The following HTR2A variants were observed in gnomAD, a reference collection of about 807,000 sequenced individuals.
HTR2A encodes 5-hydroxytryptamine receptor 2A.
Under a neutral mutation model 31.0 loss-of-function variants are expected in HTR2A, and 14 were observed. That is an observed-to-expected ratio of 0.45 (90% CI 0.30 to 0.71). The LOEUF (loss-of-function observed/expected upper bound fraction) is 0.71, where lower values mean the gene tolerates loss of function less well. Ranked by LOEUF, HTR2A falls within the 30% of genes least tolerant of loss-of-function variation. The probability of loss-of-function intolerance (pLI) is 0.09; values close to 1 mark genes in which losing one functional copy is unlikely to be tolerated. For missense variants in HTR2A, 442 were observed against 573.3 expected, an observed-to-expected ratio of 0.77 and a Z score of 2.34; for synonymous variants, 209 against 225.2, an observed-to-expected ratio of 0.93 and a Z score of 0.64.
rs745909918 is a variant in HTR2A, at chr13:46,895,819, T to A, written c.88A>T (p.Asn30Tyr). The change falls in exon 2 of 4, where the codon AAT (asparagine) becomes TAT (tyrosine). Residue 30 changes from asparagine to tyrosine, a missense_variant. Physicochemically the swap from Asn to Tyr is moderately radical, Grantham distance 143. Around this residue, in one of 5 missense-constraint regions of HTR2A, gnomAD observed 83 missense variants for 84.8 expected, o/e 0.98. Coordinates refer to ENST00000542664, the MANE Select transcript of HTR2A (RefSeq NM_000621.5). The surrounding 1 kb of genome is among the most constrained non-coding windows in gnomAD (Gnocchi z 4.4). The part of the protein sequence containing the change: ...QLNDDTRLYS[N>Y]DFNSGEANTS... Reference sequence around the variant, plus strand: ...TTAGCTTCTCCGGAGTTAAAGTCATTACTGTAGAGCCTGGTGTCATCATTT... The same window carrying A: ...TTAGCTTCTCCGGAGTTAAAGTCATAACTGTAGAGCCTGGTGTCATCATTT... 17 of 1,614,154 alleles carry A rather than the reference T, an allele frequency of 1.1e-5. No homozygotes were observed. The South Asian group carries it at 1.8e-4, about 17-fold the overall frequency.
chr13:46,897,157 CT>C (rs1260278575), upstream of HTR2A: 13 of 239,234 alleles, frequency 5.4e-5, no homozygotes, highest in Middle Eastern at 1.3e-3. Context: ...TCTTCTCCCT[CT>C]TTTTGCTACA....
At chr13:46,854,402 G>C (rs1420079531) in intron 3 of HTR2A, among the ~76,000 whole-genome samples, 1 of 152,216 alleles carries the variant, frequency 6.6e-6, no homozygotes, top group Non-Finnish European at 1.5e-5. Flanking sequence ...CTTAGTGCTT[G>C]CTCCTCTGTT....
intron 3 of HTR2A, among the ~76,000 whole-genome samples, chr13:46,857,932 A>T (rs1950750589): frequency 6.6e-6 from 1 of 152,192 alleles, no homozygotes; most frequent in South Asian, 2.1e-4. Flanking sequence ...TATTCAGATG[A>T]CAGCCTGGCT....
chr13:46,848,115 T>C (rs1191142968), intron 3 of HTR2A, among the ~76,000 whole-genome samples: 2 of 152,208 alleles, frequency 1.3e-5, no homozygotes, highest in African/African-American at 4.8e-5. Flanking sequence ...TATGAAAGCC[T>C]CTACTCTCTG....
intron 3 of HTR2A, among the ~76,000 whole-genome samples, chr13:46,889,098 T>C (rs2138251290): frequency 6.6e-6 from 1 of 152,258 alleles, no homozygotes; most frequent in African/African-American, 2.4e-5. Flanking sequence ...AAACTTTATA[T>C]GCTGCTTACA....
intron 3 of HTR2A, among the ~76,000 whole-genome samples, chr13:46,872,264 G>C (rs1432634243): frequency 6.6e-6 from 1 of 152,138 alleles, no homozygotes; most frequent in Admixed American, 6.5e-5. Flanking sequence ...GGAACTCAAA[G>C]ACAAATAAGA....
At chr13:46,887,263 CA>C (rs954958035) in intron 3 of HTR2A, among the ~76,000 whole-genome samples, 4 of 150,632 alleles carry the variant, frequency 2.7e-5, no homozygotes, top group South Asian at 2.1e-4. Flanking sequence ...ACTAAAAATA[CA>C]AAAAAAAATT....
chr13:46,876,398 ATATATATTTTTTT>A (rs1309907834), intron 3 of HTR2A, among the ~76,000 whole-genome samples: 26 of 97,010 alleles, frequency 2.7e-4, no homozygotes, highest in African/African-American at 3.4e-4. Flanking sequence ...ATATATATAT[ATATATATTTTTTT>A]TTTTTTTTTT....
chr13:46,844,622 C>G (rs1371233805), intron 3 of HTR2A, among the ~76,000 whole-genome samples: 1 of 152,160 alleles, frequency 6.6e-6, no homozygotes, highest in Non-Finnish European at 1.5e-5. Flanking sequence ...TGACTCATAT[C>G]CTGGATCTAG....
intron 3 of HTR2A, 118 bp downstream of exon 3, chr13:46,892,272 C>G: frequency 1.0e-6 from 1 of 953,000 alleles, no homozygotes. Context: ...ACATATCTTG[C>G]ACCACCCAAA....
Position 46,895,665 on chromosome 13 carries a change from G to A in HTR2A, c.242C>T (p.Thr81Ile). The change falls in exon 2 of 4, where the codon ACA becomes ATA. Residue 81 changes from threonine (T) to isoleucine (I), a missense_variant. Thr to Ile is a moderately conservative substitution (Grantham distance 89). Transcript: ENST00000542664. This position sits in a 1 kb window ranked among gnomAD's most constrained non-coding sequence, Gnocchi z 4.4. ...LQEKNWSALL[T>I]AVVIILTIAG... is the part of the protein sequence containing the mutation. ...AATAGTTAGAATAATCACTACGGCT[G>A]TCAGTAAAGCAGACCAGTTTTTTTC... The A allele has an allele frequency of 3.1e-6, 5 of 1,614,192 alleles. No homozygotes were observed. Among genetic ancestry groups the A allele is most frequent in the Non-Finnish European group, 3.4e-6 (4 of 1,180,026 alleles).
intron 3 of HTR2A, among the ~76,000 whole-genome samples, chr13:46,848,855 C>T (rs1239690404): frequency 4.6e-5 from 7 of 151,986 alleles, no homozygotes; most frequent in East Asian, 3.8e-4. Flanking sequence ...AGTGTTTACT[C>T]GTAAAGAACT....
Position 46,895,407 on chromosome 13 carries a change from G to GC in HTR2A, c.412+87dup. The GC allele has an allele frequency of 8.6e-7, 1 of 1,161,706 alleles. No homozygotes were observed. Among genetic ancestry groups the GC allele is most frequent in the Admixed American group, 2.5e-5 (1 of 39,266 alleles). The allele number at this position is 1,161,706 out of a possible 1,614,324, so 72.0% of individuals were successfully genotyped here. ...AAAGACTTCTATTTATAGTTTGTTT[G>GC]CCCCCTGAGCCCCATCTCATCTGCT... is the stretch of plus-strand genomic sequence containing the variant. On this transcript the variant is annotated intron_variant, in intron 2 of 3. Transcript: ENST00000542664. The surrounding 1 kb of genome is among the most constrained non-coding windows in gnomAD (Gnocchi z 4.4).
intron 3 of HTR2A, among the ~76,000 whole-genome samples, chr13:46,882,320 AAC>A (rs1950973007): frequency 6.6e-6 from 1 of 152,180 alleles, no homozygotes; most frequent in South Asian, 2.1e-4. Context: ...GATCAGTAGA[AAC>A]AGTCAATAAA....
At chr13:46,846,699 T>A (rs768370465) in intron 3 of HTR2A, among the ~76,000 whole-genome samples, 1 of 152,018 alleles carries the variant, frequency 6.6e-6, no homozygotes, top group Admixed American at 6.6e-5. Context: ...AAAGTACACA[T>A]TGGGATTCAC....
intron 3 of HTR2A, among the ~76,000 whole-genome samples, chr13:46,843,720 A>G (rs773864508): frequency 3.3e-5 from 5 of 152,108 alleles, no homozygotes; most frequent in African/African-American, 1.2e-4. Flanking sequence ...TTTGCCCTGG[A>G]CCAATTTTGA....
At chr13:46,887,291 C>T (rs920136717) in intron 3 of HTR2A, among the ~76,000 whole-genome samples, 1 of 151,682 alleles carries the variant, frequency 6.6e-6, no homozygotes, top group Non-Finnish European at 1.5e-5. Context: ...GGTGTGGTGG[C>T]GGGCGCCTGT....
In HTR2A at chr13:46,832,097, C is replaced by G. The variant is rs1876265722; in HGVS notation, c.*2740G>C. The G allele has an allele frequency of 6.6e-6, 1 of 152,184 alleles. No individual in the cohort carries two copies. The highest frequency in any genetic ancestry group is 1.5e-5 in the Non-Finnish European group (1 of 68,022). The allele number at this position is 152,184 out of a possible 1,614,324, so 9.4% of individuals were successfully genotyped here. On this transcript the variant is annotated 3_prime_UTR_variant, in exon 4 of 4. Transcript: ENST00000542664. ...GGATCAAGAAACTATATATGTGGAC[C>G]ATTGTTTTCGCCATCCTCATAGACT...
In HTR2A at chr13:46,834,702, T is replaced by C. The variant is rs1484607722; in HGVS notation, c.*135A>G. On this transcript the variant is annotated 3_prime_UTR_variant, in exon 4 of 4. Coordinates refer to ENST00000542664, the MANE Select transcript of HTR2A (RefSeq NM_000621.5). ...TGAACCCCGCTTTTCATTGACAGAA[T>C]AAAATGAGGCATACAGATATGATCG... The C allele has an allele frequency of 3.1e-6, 2 of 645,008 alleles. No homozygotes were observed. The highest frequency in any genetic ancestry group is 5.2e-6 in the Non-Finnish European group (2 of 382,348). 40.0% of individuals were successfully genotyped at this position (645,008 alleles called of 1,614,324 possible).
Sources: gnomAD v4.1 joint callset for allele counts (sites outside exome capture counted in the v4.1 genomes callset) on GRCh38, gnomAD v4.1.1 for gene constraint, gnomAD v4.1.1 regional missense constraint, Gnocchi (gnomAD v3.1) non-coding constraint, MANE v1.5 for transcripts, NCBI Gene and HGNC (gene_info 2026-07-23, HGNC 2026-07-21) for gene names.